Variants in NFATC1 observed in about 807,000 individuals in gnomAD.
The protein encoded by NFATC1 is nuclear factor of activated T-cells, cytoplasmic 1.
A neutral mutation model predicts 76.0 loss-of-function variants in NFATC1; 22 were observed. The ratio of observed to expected loss-of-function variants is 0.29; its 90% confidence interval spans 0.21 to 0.41. The LOEUF (loss-of-function observed/expected upper bound fraction) is 0.41, where lower values mean the gene tolerates loss of function less well. NFATC1 is among the 10% of genes least tolerant of loss of function. The pLI is 1.00. For synonymous variants in NFATC1, 704 were observed against 613.1 expected (o/e 1.15, Z -2.19); for missense variants, 1,357 against 1,337.7 (o/e 1.01, Z -0.23).
intron 2 of NFATC1, among the ~76,000 whole-genome samples, chr18:79,418,375 G>A (rs1362536221): frequency 2.0e-5 from 3 of 152,280 alleles, no homozygotes; most frequent in South Asian, 2.1e-4. Flanking sequence ...AGCAGACCCC[G>A]CAACCTACAC....
At chr18:79,520,651 G>A (rs1419657986) in intron 9 of NFATC1, among the ~76,000 whole-genome samples, 2 of 53,566 alleles carry the variant, frequency 3.7e-5, no homozygotes, top group Non-Finnish European at 7.0e-5. Context: ...TGTGTGTCGG[G>A]GGGGGCATCC....
intron 3 of NFATC1, among the ~76,000 whole-genome samples, chr18:79,443,837 G>A (rs529335681): frequency 9.9e-5 from 15 of 152,202 alleles, no homozygotes; most frequent in Non-Finnish European, 1.0e-4. Flanking sequence ...GTGCTGGTCC[G>A]CCCACCCTCT....
At position 79,528,706 on chromosome 18, in the gene NFATC1, ACT is replaced by A. The variant is rs1317322160; in HGVS notation, c.*1134_*1135del. 1.3e-5 allele frequency: 2 copies of A among 152,072 alleles called. No homozygotes were observed. The highest frequency in any genetic ancestry group is 2.9e-5 in the Non-Finnish European group (2 of 68,000). The allele number at this position is 152,072 out of a possible 1,614,324, so 9.4% of individuals were successfully genotyped here. A position where few individuals can be genotyped will look rare whatever the true frequency, so the allele number is the denominator to read the frequency against. On this transcript the variant is annotated 3_prime_UTR_variant, in exon 10 of 10. Coordinates refer to ENST00000427363, the MANE Select transcript of NFATC1 (RefSeq NM_001278669.2). The stretch of plus-strand genomic sequence containing the variant: ...ATGATTGTTTCACAGAAGCCTTACC[ACT>A]CTCTGCTTCATCTAAGAAAACCAAT...
At position 79,490,509 on chromosome 18, in the gene NFATC1, T is replaced by C. The variant is rs1334166727; in HGVS notation, c.2782+3572T>C. On this transcript the variant is annotated intron_variant, in intron 9 of 9. Transcript: ENST00000427363. ...TACAGGCCTGACATTGCCGCCACCC[T>C]GGGAGACAGGCACCAGGCCATGGAC... Among the ~76,000 whole-genome samples the C allele has an allele frequency of 2.6e-5, 4 of 152,132 alleles. No individual in the cohort carries two copies. The East Asian group carries it at 7.7e-4, about 29-fold the overall frequency.
chr18:79,427,888 GAGTC>G (rs2086446462), intron 2 of NFATC1, among the ~76,000 whole-genome samples: 8 of 142,002 alleles, frequency 5.6e-5, no homozygotes, highest in Non-Finnish European at 7.7e-5. Context: ...TCTGTGCAGT[GAGTC>G]GGGGAGGGGG....
intron 7 of NFATC1, 72 bp from the exon 8 acceptor site, chr18:79,467,378 G>A (rs945587549): frequency 2.8e-6 from 4 of 1,425,392 alleles, no homozygotes; most frequent in Non-Finnish European, 3.7e-6. Flanking sequence ...GGGTTGCCGT[G>A]TGGCCGCCGT....
At chr18:79,495,386 C>G (rs187667623) in intron 9 of NFATC1, among the ~76,000 whole-genome samples, 1 of 152,336 alleles carries the variant, frequency 6.6e-6, no homozygotes, top group African/African-American at 2.4e-5. Context: ...AAATATCAGT[C>G]TACAGTCCAA....
intron 7 of NFATC1, among the ~76,000 whole-genome samples, chr18:79,463,230 C>A (rs1252971094): frequency 1.3e-5 from 2 of 152,218 alleles, no homozygotes; most frequent in Non-Finnish European, 2.9e-5. Flanking sequence ...GGTTCCAGTT[C>A]AATGCTGTCG....
chr18:79,457,067 C>T (rs2144826427), intron 6 of NFATC1, among the ~76,000 whole-genome samples: 1 of 152,226 alleles, frequency 6.6e-6, no homozygotes, highest in East Asian at 1.9e-4. Flanking sequence ...TTGCTGGGCG[C>T]CTGTGAGTGT....
intron 1 of NFATC1, among the ~76,000 whole-genome samples, chr18:79,398,117 G>A (rs954952149): frequency 2.6e-5 from 4 of 152,122 alleles, no homozygotes; most frequent in African/African-American, 9.7e-5. Context: ...CCTCCCCTGC[G>A]TCCCTCGGGT....
chr18:79,459,691 C>A (rs1328704445), intron 6 of NFATC1, among the ~76,000 whole-genome samples: 1 of 152,200 alleles, frequency 6.6e-6, no homozygotes, highest in Non-Finnish European at 1.5e-5. Flanking sequence ...CAGAGGACCA[C>A]AGCCTTTTGT....
chr18:79,437,508 G>A (rs117121680), intron 3 of NFATC1, among the ~76,000 whole-genome samples: 6,339 of 152,348 alleles, frequency 0.042, 196 homozygotes, highest in Non-Finnish European at 0.068. Flanking sequence ...TCGCCAGGCC[G>A]CTGGTTGCAG....
At chr18:79,490,109 C>T (rs973007813) in intron 9 of NFATC1, among the ~76,000 whole-genome samples, 9 of 152,214 alleles carry the variant, frequency 5.9e-5, no homozygotes, top group South Asian at 4.1e-4. Flanking sequence ...CCCGCCCCCC[C>T]GTGGGCAGAC....
chr18:79,410,730 C>T lies in NFATC1; in HGVS notation c.455C>T (p.Pro152Leu). 1 of 1,613,050 alleles carries T rather than the reference C, an allele frequency of 6.2e-7. No homozygotes were observed. The highest frequency in any genetic ancestry group is 8.5e-7 in the Non-Finnish European group (1 of 1,180,008). ...EDVLPSSKRSPSTATLSLPSL... is the reference protein window; with the variant it reads ...EDVLPSSKRSLSTATLSLPSL... Reference sequence around the variant, plus strand: ...GTCCTCCCTAGCTCCAAACGGTCCCCCTCCACGGCCACGCTGAGTCTGCCC... The same window carrying T: ...GTCCTCCCTAGCTCCAAACGGTCCCTCTCCACGGCCACGCTGAGTCTGCCC... The change falls in exon 2 of 10, where the codon CCC becomes CTC. Residue 152 changes from proline to leucine, a missense_variant. Pro to Leu is a moderately conservative substitution (Grantham distance 98). Coordinates refer to ENST00000427363, the MANE Select transcript of NFATC1 (RefSeq NM_001278669.2). The surrounding 1 kb of genome is among the most constrained non-coding windows in gnomAD (Gnocchi z 6.7).
At chr18:79,400,508 C>G (rs1171757909) in intron 1 of NFATC1, 3 of 1,392,318 alleles carry the variant, frequency 2.2e-6, no homozygotes, top group Non-Finnish European at 2.8e-6. Context: ...GCGCGGGGGG[C>G]GCGGGGCCAG....
At chr18:79,438,875 A>G (rs1303322687) in intron 3 of NFATC1, among the ~76,000 whole-genome samples, 2 of 152,210 alleles carry the variant, frequency 1.3e-5, no homozygotes, top group African/African-American at 4.8e-5. Flanking sequence ...CCCAGCTTGT[A>G]GGTCAACTTT....
intron 2 of NFATC1, among the ~76,000 whole-genome samples, chr18:79,415,930 C>G (rs374567119): frequency 6.6e-6 from 1 of 152,056 alleles, no homozygotes; most frequent in Non-Finnish European, 1.5e-5. Flanking sequence ...GGCATGGTGG[C>G]GGGCGCCTGT....
In NFATC1 at chr18:79,410,980, G is replaced by T; in HGVS notation, c.705G>T (p.Arg235=). ...CCTGCACACTGCTGGGTTCCCCGCG[G>T]CACTCCCCCTCCACCTCGCCCCGCG... is the stretch of plus-strand genomic sequence containing the variant. The part of the protein sequence containing the change: ...LGACTLLGSP[R]HSPSTSPRAS... The change falls in exon 2 of 10, where the codon CGG becomes CGT. Residue 235 remains arginine (R), a synonymous_variant. Transcript: ENST00000427363. The surrounding 1 kb of genome is among the most constrained non-coding windows in gnomAD (Gnocchi z 6.7). 1 of 1,604,064 alleles carries T rather than the reference G, an allele frequency of 6.2e-7. No individual in the cohort carries two copies. Among genetic ancestry groups the T allele is most frequent in the Non-Finnish European group, 8.5e-7 (1 of 1,175,562 alleles).
At chr18:79,491,717 G>A (rs568812322) in intron 9 of NFATC1, among the ~76,000 whole-genome samples, 2 of 152,218 alleles carry the variant, frequency 1.3e-5, no homozygotes, top group African/African-American at 2.4e-5. Context: ...GGCATGGGGT[G>A]CAGATTTAGT....
Sources: allele counts gnomAD v4.1 joint callset (sites outside exome capture counted in the v4.1 genomes callset), GRCh38; gene constraint gnomAD v4.1.1; non-coding constraint Gnocchi (gnomAD v3.1); transcripts MANE v1.5; gene names NCBI Gene and HGNC (gene_info 2026-07-23, HGNC 2026-07-21).